GABRG3: variants seen among roughly 807,000 people sequenced by gnomAD.
GABRG3 encodes the protein gamma-aminobutyric acid type A receptor subunit gamma3, also known as gamma-aminobutyric acid receptor subunit gamma-3.
A neutral mutation model predicts 48.8 loss-of-function variants in GABRG3; 25 were observed. The observed-to-expected ratio is 0.51, with a 90% CI of 0.37 to 0.72. GABRG3 has a LOEUF of 0.72. Ranked by LOEUF, GABRG3 falls within the 30% of genes least tolerant of loss-of-function variation. The probability of loss-of-function intolerance (pLI) is 0.00; values close to 1 mark genes in which losing one functional copy is unlikely to be tolerated. For missense variants in GABRG3, 394 were observed against 577.9 expected (o/e 0.68, Z 3.26); for synonymous variants, 227 against 217.6 (o/e 1.04, Z -0.38).
At chr15:27,485,966 A>G (rs1890210055) in intron 6 of GABRG3, among the ~76,000 whole-genome samples, 1 of 152,230 alleles carries the variant, frequency 6.6e-6, no homozygotes, top group African/African-American at 2.4e-5. Context: ...TATCTTTGCC[A>G]TATCAAGGCT....
At chr15:27,156,335 G>A (rs1434005537) in intron 3 of GABRG3, among the ~76,000 whole-genome samples, 1 of 148,386 alleles carries the variant, frequency 6.7e-6, no homozygotes, top group Non-Finnish European at 1.5e-5. Flanking sequence ...AGAAATAGAA[G>A]TATTCTGTCT....
chr15:27,275,823 G>A (rs1226378327), intron 3 of GABRG3, among the ~76,000 whole-genome samples: 1 of 152,198 alleles, frequency 6.6e-6, no homozygotes, highest in East Asian at 1.9e-4. Flanking sequence ...TTCTGTGACT[G>A]CAGGTCCGAT....
At chr15:27,436,960 C>T (rs778351735) in intron 5 of GABRG3, among the ~76,000 whole-genome samples, 2 of 146,486 alleles carry the variant, frequency 1.4e-5, no homozygotes, top group Admixed American at 1.4e-4. Flanking sequence ...AATGCCACTG[C>T]ACTCCAGCCT....
intron 5 of GABRG3, among the ~76,000 whole-genome samples, chr15:27,440,793 ACATAGT>A (rs1888761164): frequency 6.6e-6 from 1 of 152,254 alleles, no homozygotes; most frequent in Non-Finnish European, 1.5e-5. Flanking sequence ...TATCAATGGA[ACATAGT>A]TAAGACTAGA....
intron 3 of GABRG3, among the ~76,000 whole-genome samples, chr15:27,317,728 T>C (rs1893280295): frequency 6.6e-6 from 1 of 152,210 alleles, no homozygotes; most frequent in South Asian, 2.1e-4. Context: ...CTTAAATCAT[T>C]TTCTCATGGA....
At chr15:26,989,248 T>C (rs1210396769) in intron 2 of GABRG3, among the ~76,000 whole-genome samples, 1 of 152,222 alleles carries the variant, frequency 6.6e-6, no homozygotes. Flanking sequence ...TTTCATCTTA[T>C]TCTTAGTTGC....
At chr15:27,075,977 C>T (rs918327757) in intron 3 of GABRG3, among the ~76,000 whole-genome samples, 12 of 152,138 alleles carry the variant, frequency 7.9e-5, no homozygotes, top group African/African-American at 2.7e-4. Flanking sequence ...CTAGTGTTTG[C>T]GCAGCATGTG....
chr15:27,063,406 T>A (rs943353223), intron 3 of GABRG3, among the ~76,000 whole-genome samples: 1 of 152,186 alleles, frequency 6.6e-6, no homozygotes, highest in Non-Finnish European at 1.5e-5. Context: ...GGTATCTGGA[T>A]CATGGGGAGG....
chr15:27,507,002 C>T (rs930103151), intron 6 of GABRG3, among the ~76,000 whole-genome samples: 8 of 152,002 alleles, frequency 5.3e-5, no homozygotes, highest in African/African-American at 1.9e-4. Flanking sequence ...ACTTGTGTTA[C>T]ACAATTTTCA....
chr15:27,023,751 GAAT>G (rs1420824493), intron 2 of GABRG3, among the ~76,000 whole-genome samples: 2 of 152,182 alleles, frequency 1.3e-5, no homozygotes, highest in African/African-American at 4.8e-5. Flanking sequence ...TGGCTACTGT[GAAT>G]AATATTAGCA....
chr15:27,504,693 C>CT (rs150212480), intron 6 of GABRG3, among the ~76,000 whole-genome samples: 3 of 115,990 alleles, frequency 2.6e-5, no homozygotes, highest in Admixed American at 7.9e-5. Context: ...CATTTGGTGT[C>CT]TTTTTTTTTC....
intron 3 of GABRG3, among the ~76,000 whole-genome samples, chr15:27,121,007 A>G (rs962835007): frequency 6.6e-6 from 1 of 152,224 alleles, no homozygotes; most frequent in Non-Finnish European, 1.5e-5. Context: ...ACAGCCTGGC[A>G]TTCAGAGAGT....
At chr15:27,351,469 ATGTT>A (rs201783408) in intron 5 of GABRG3, among the ~76,000 whole-genome samples, 1,005 of 96,776 alleles carry the variant, frequency 0.01, 11 homozygotes, top group African/African-American at 0.039. Flanking sequence ...TTGTGTGTGT[ATGTT>A]TGTATGGTGT....
At chr15:27,463,603 G>C (rs568857194) in intron 5 of GABRG3, among the ~76,000 whole-genome samples, 80 of 152,252 alleles carry the variant, frequency 5.3e-4, no homozygotes, top group African/African-American at 1.8e-3. Flanking sequence ...TGTGTGACCA[G>C]CCCTGCCCCT....
At chr15:27,184,836 G>A (rs1382951839) in intron 3 of GABRG3, among the ~76,000 whole-genome samples, 2 of 152,044 alleles carry the variant, frequency 1.3e-5, no homozygotes, top group African/African-American at 4.8e-5. Flanking sequence ...TATTCTATAT[G>A]GTCACCACCA....
intron 3 of GABRG3, among the ~76,000 whole-genome samples, chr15:27,222,700 A>T (rs1889490526): frequency 8.0e-6 from 1 of 125,708 alleles, no homozygotes; most frequent in Non-Finnish European, 1.5e-5. Flanking sequence ...CTTGGAGTGG[A>T]TTCTTACATT....
At chr15:27,072,964 G>A (rs2140736048) in intron 3 of GABRG3, among the ~76,000 whole-genome samples, 2 of 152,326 alleles carry the variant, frequency 1.3e-5, no homozygotes, top group Admixed American at 1.3e-4. Context: ...TTTTCCAAAT[G>A]TAGGCCAAAT....
chr15:27,157,367 C>G (rs770818982), intron 3 of GABRG3, among the ~76,000 whole-genome samples: 1 of 152,152 alleles, frequency 6.6e-6, no homozygotes, highest in Non-Finnish European at 1.5e-5. Context: ...GATTCAAATA[C>G]AGGAATCATA....
At chr15:26,977,274 G>A in intron 2 of GABRG3, 124 bp downstream of exon 2, 1 of 980,240 alleles carries the variant, frequency 1.0e-6, no homozygotes. Flanking sequence ...TCCTGTACTT[G>A]TCACACAATA....
Sources: gnomAD v4.1 joint callset for allele counts (sites outside exome capture counted in the v4.1 genomes callset) on GRCh38, gnomAD v4.1.1 for gene constraint, MANE v1.5 for transcripts, NCBI Gene and HGNC (gene_info 2026-07-23, HGNC 2026-07-21) for gene names.